Variants in TAFA1 observed in about 807,000 individuals in gnomAD.
The protein encoded by TAFA1 is TAFA chemokine like family member 1.
Under a neutral mutation model 18.5 loss-of-function variants are expected in TAFA1, and 4 were observed. The ratio of observed to expected loss-of-function variants is 0.22; its 90% CI spans 0.11 to 0.49. The LOEUF is 0.49. Ranked by LOEUF, TAFA1 falls within the 20% of genes least tolerant of loss-of-function variation. The pLI is 0.98. For synonymous variants in TAFA1, 56 were observed against 55.2 expected, an observed-to-expected ratio of 1.01 and a Z score of -0.06; for missense variants, 147 against 169.0, an observed-to-expected ratio of 0.87 and a Z score of 0.72.
intron 2 of TAFA1, among the ~76,000 whole-genome samples, chr3:68,135,112 A>C (rs2065591008): frequency 6.6e-6 from 1 of 152,182 alleles, no homozygotes; most frequent in Non-Finnish European, 1.5e-5. Context: ...GGGGAGAAGC[A>C]AAAAGGTCTC....
chr3:68,400,170 G>C (rs181892918), intron 2 of TAFA1, among the ~76,000 whole-genome samples: 3 of 152,052 alleles, frequency 2.0e-5, no homozygotes, highest in Non-Finnish European at 4.4e-5. Context: ...GCACTGCATC[G>C]ACTGAAAATG....
intron 2 of TAFA1, among the ~76,000 whole-genome samples, chr3:68,161,221 A>T (rs7628811): frequency 0.19 from 29,074 of 152,194 alleles, 3,197 homozygotes; most frequent in Middle Eastern, 0.28. Flanking sequence ...GACCAAAAAA[A>T]TTAGGCTTAT....
At chr3:68,143,517 G>A (rs1168995794) in intron 2 of TAFA1, among the ~76,000 whole-genome samples, 1 of 152,090 alleles carries the variant, frequency 6.6e-6, no homozygotes, top group African/African-American at 2.4e-5. Flanking sequence ...TTACTTTGGG[G>A]CCAGATAATT....
chr3:68,264,896 GT>G (rs988116815), intron 2 of TAFA1, among the ~76,000 whole-genome samples: 1 of 152,026 alleles, frequency 6.6e-6, no homozygotes, highest in African/African-American at 2.4e-5. Flanking sequence ...GAGATGGTCA[GT>G]TTTTTAAACA....
intron 2 of TAFA1, among the ~76,000 whole-genome samples, chr3:68,121,313 C>T (rs967623731): frequency 6.7e-6 from 1 of 150,310 alleles, no homozygotes; most frequent in African/African-American, 2.5e-5. Flanking sequence ...TACTCCTAAC[C>T]AGAGCTCCTA....
intron 3 of TAFA1, among the ~76,000 whole-genome samples, chr3:68,425,244 C>T (rs560643202): frequency 9.2e-5 from 14 of 151,984 alleles, no homozygotes; most frequent in East Asian, 5.8e-4. Flanking sequence ...CATCCACACA[C>T]GATGAAATAC....
chr3:68,054,915 T>C (rs2064514765), intron 2 of TAFA1, among the ~76,000 whole-genome samples: 1 of 152,206 alleles, frequency 6.6e-6, no homozygotes, highest in Admixed American at 6.5e-5. Flanking sequence ...AATTTCTTAA[T>C]CTAGTACTAC....
intron 3 of TAFA1, among the ~76,000 whole-genome samples, chr3:68,440,453 G>T (rs755385015): frequency 3.3e-5 from 5 of 152,174 alleles, no homozygotes. Flanking sequence ...TATAGCACAA[G>T]TGTATACATG....
chr3:68,512,371 T>A (rs1359986723), intron 3 of TAFA1, among the ~76,000 whole-genome samples: 3 of 152,254 alleles, frequency 2.0e-5, no homozygotes, highest in East Asian at 3.9e-4. Context: ...TTTAAAGTAA[T>A]GTACTTTTAA....
At chr3:68,214,917 G>GACAC (rs2066637295) in intron 2 of TAFA1, among the ~76,000 whole-genome samples, 2 of 152,036 alleles carry the variant, frequency 1.3e-5, no homozygotes, top group East Asian at 3.9e-4. Flanking sequence ...CACAATTTTA[G>GACAC]TCCAAGTGTC....
intron 3 of TAFA1, among the ~76,000 whole-genome samples, chr3:68,466,534 T>G (rs2071887947): frequency 6.6e-6 from 1 of 152,118 alleles, no homozygotes; most frequent in South Asian, 2.1e-4. Flanking sequence ...CCATACCCCT[T>G]GAAGTACTCG....
At chr3:68,431,615 A>G (rs1399649533) in intron 3 of TAFA1, among the ~76,000 whole-genome samples, 1 of 152,020 alleles carries the variant, frequency 6.6e-6, no homozygotes, top group Non-Finnish European at 1.5e-5. Flanking sequence ...CTCATGAAAG[A>G]TATTAAGATT....
intron 3 of TAFA1, among the ~76,000 whole-genome samples, chr3:68,532,997 A>G (rs895442693): frequency 6.6e-6 from 1 of 151,724 alleles, no homozygotes; most frequent in Admixed American, 6.6e-5. Flanking sequence ...ACCAGTCACC[A>G]TAGGACTGTG....
chr3:68,221,362 A>G (rs2066727788), intron 2 of TAFA1, among the ~76,000 whole-genome samples: 1 of 152,142 alleles, frequency 6.6e-6, no homozygotes, highest in Non-Finnish European at 1.5e-5. Context: ...TCCTCCTCTT[A>G]TCTGGATCTT....
chr3:68,191,841 T>C (rs190635593), intron 2 of TAFA1, among the ~76,000 whole-genome samples: 3 of 151,958 alleles, frequency 2.0e-5, no homozygotes, highest in Non-Finnish European at 4.4e-5. Context: ...CTGATTGATA[T>C]AGTTATTATC....
chr3:68,046,872 G>A (rs1053863691), intron 2 of TAFA1, among the ~76,000 whole-genome samples: 14 of 152,140 alleles, frequency 9.2e-5, no homozygotes, highest in Non-Finnish European at 1.9e-4. Context: ...ATAAGGTTAA[G>A]CCTGATGATA....
intron 2 of TAFA1, among the ~76,000 whole-genome samples, chr3:68,163,539 G>T (rs964502956): frequency 2.6e-5 from 4 of 152,130 alleles, no homozygotes; most frequent in Admixed American, 1.3e-4. Context: ...CCAAACGACG[G>T]TCAGATATGT....
intron 2 of TAFA1, among the ~76,000 whole-genome samples, chr3:68,093,731 T>C (rs2065054865): frequency 6.6e-6 from 1 of 150,912 alleles, no homozygotes; most frequent in East Asian, 1.9e-4. Flanking sequence ...ATATATCTTG[T>C]GTTTTTATTA....
intron 2 of TAFA1, chr3:68,145,767 T>A (rs950783583): frequency 1.7e-6 from 1 of 579,692 alleles, no homozygotes. Flanking sequence ...AAAATACATA[T>A]AGAATAAAAA....
Sources: gnomAD v4.1 joint callset for allele counts (sites outside exome capture counted in the v4.1 genomes callset) on GRCh38, gnomAD v4.1.1 for gene constraint, MANE v1.5 for transcripts, NCBI Gene and HGNC (gene_info 2026-07-23, HGNC 2026-07-21) for gene names.